Variants in SPINK2 observed in about 807,000 individuals in gnomAD.
SPINK2 encodes serine peptidase inhibitor Kazal type 2, also known as serine protease inhibitor Kazal-type 2.
SPINK2 carries 8 observed loss-of-function variants against 13.5 expected under a neutral mutation model. That is an observed-to-expected ratio of 0.59 (90% CI 0.35 to 1.07). SPINK2 has a LOEUF of 1.07. SPINK2 is among the 50% of genes least tolerant of loss of function. The probability of loss-of-function intolerance (pLI) is 0.02; values close to 1 mark genes in which losing one functional copy is unlikely to be tolerated. For synonymous variants in SPINK2, 76 were observed against 74.7 expected, an observed-to-expected ratio of 1.02 and a Z score of -0.09; for missense variants, 148 against 180.3, an observed-to-expected ratio of 0.82 and a Z score of 1.03.
chr4:56,810,273 G>T, intron 3 of SPINK2, 89 bp from the exon 4 acceptor site: 1 of 1,055,082 alleles, frequency 9.5e-7, no homozygotes, highest in Non-Finnish European at 1.4e-6. Context: ...CATGTAGATA[G>T]ATATATATTA....
chr4:56,821,378 A>AG, intron 1 of SPINK2, 80 bp downstream of exon 1: 1 of 1,420,854 alleles, frequency 7.0e-7, no homozygotes, highest in Non-Finnish European at 9.2e-7. Flanking sequence ...TAGAGCTGGG[A>AG]GCGAAGCCCA....
chr4:56,819,842 C>T (rs1313405777), intron 2 of SPINK2, among the ~76,000 whole-genome samples: 1 of 152,084 alleles, frequency 6.6e-6, no homozygotes, highest in African/African-American at 2.4e-5. Flanking sequence ...GTCTTGATTT[C>T]CTGACCTCGT....
intron 2 of SPINK2, among the ~76,000 whole-genome samples, chr4:56,819,614 CTTTCT>C (rs1717759125): frequency 1.0e-5 from 1 of 96,058 alleles, no homozygotes; most frequent in African/African-American, 4.5e-5. Context: ...ACTTTTTTTT[CTTTCT>C]TTTTTTTTTT....
rs1717927639 is a variant in SPINK2, at chr4:56,821,460, G to C, written c.203C>G (p.Pro68Arg). The change falls in exon 1 of 4, where the codon CCA becomes CGA. Residue 68 changes from proline to arginine, a missense_variant and splice_region_variant. Coordinates refer to ENST00000506738, the MANE Select transcript of SPINK2 (RefSeq NM_001271718.2). The part of the protein sequence containing the change: ...PVTGGSPEDL[P>R]ASLIPQFGLF... ...ACCCCCAGTTCGCGTTCCTCCACCT[G>C]GCAGGTCCTCTGGGGAACCGCCAGT... 6.6e-7 allele frequency: 1 copy of C among 1,521,180 alleles called. No individual in the cohort carries two copies. Among genetic ancestry groups the C allele is most frequent in the Non-Finnish European group, 8.8e-7 (1 of 1,139,718 alleles). The allele number at this position is 1,521,180 out of a possible 1,614,324, so 94.2% of individuals were successfully genotyped here.
intron 2 of SPINK2, among the ~76,000 whole-genome samples, chr4:56,819,374 G>A (rs1717734146): frequency 6.6e-6 from 1 of 152,174 alleles, no homozygotes; most frequent in Admixed American, 6.5e-5. Flanking sequence ...ACATCATTGT[G>A]AGAATTGAGA....
chr4:56,816,519 G>A (rs1228039104), intron 2 of SPINK2, among the ~76,000 whole-genome samples: 2 of 152,006 alleles, frequency 1.3e-5, no homozygotes, highest in Non-Finnish European at 2.9e-5. Context: ...GGGCGTGGTG[G>A]TGGGTGCCTG....
At position 56,810,094 on chromosome 4, in the gene SPINK2, C is replaced by T. The variant is rs184591586; in HGVS notation, c.*45G>A. 7.6e-6 allele frequency: 12 copies of T among 1,573,856 alleles called. No individual in the cohort carries two copies. In the East Asian group the frequency reaches 2.5e-4, roughly 33 times the overall value. ...GGGGAAATGCAATTTATCTAGTCTG[C>T]CAGTGAAGGTGGTCTCTCCATCTTC... is the stretch of plus-strand genomic sequence containing the variant. On this transcript the variant is annotated 3_prime_UTR_variant, in exon 4 of 4. Coordinates refer to ENST00000506738, the MANE Select transcript of SPINK2 (RefSeq NM_001271718.2).
intron 2 of SPINK2, among the ~76,000 whole-genome samples, chr4:56,817,185 G>C (rs940120387): frequency 6.6e-6 from 1 of 152,194 alleles, no homozygotes; most frequent in Non-Finnish European, 1.5e-5. Flanking sequence ...CTGAGCGATA[G>C]AGCGAGACTC....
chr4:56,811,127 G>T (rs1268912011), intron 3 of SPINK2, among the ~76,000 whole-genome samples: 1 of 152,130 alleles, frequency 6.6e-6, no homozygotes, highest in Admixed American at 6.6e-5. Flanking sequence ...TTTCACATTT[G>T]TGGGCAATAA....
At chr4:56,816,951 C>T (rs1717505864) in intron 2 of SPINK2, among the ~76,000 whole-genome samples, 2 of 151,812 alleles carry the variant, frequency 1.3e-5, no homozygotes, top group South Asian at 4.2e-4. Flanking sequence ...ACGCCTATAA[C>T]CCAGCACTTG....
Position 56,810,039 on chromosome 4 carries a change from C to T in SPINK2, c.*100G>A. The T allele has an allele frequency of 1.3e-6, 2 of 1,536,764 alleles. No individual in the cohort carries two copies. Among genetic ancestry groups the T allele is most frequent in the East Asian group, 2.5e-5 (1 of 40,596 alleles). ...TCAGAAAATGTGTGTTAACAAATCT[C>T]ATGTAAAGAAACACAGGAAAAGAGA... On this transcript the variant is annotated 3_prime_UTR_variant, in exon 4 of 4. Coordinates refer to ENST00000506738, the MANE Select transcript of SPINK2 (RefSeq NM_001271718.2).
chr4:56,818,099 T>C (rs1486947836), intron 2 of SPINK2: 1 of 152,150 alleles, frequency 6.6e-6, no homozygotes, highest in Non-Finnish European at 1.5e-5. Context: ...GGAAAACCCA[T>C]TGAAAAGCCA....
At chr4:56,818,634 C>A (rs905640597) in intron 2 of SPINK2, among the ~76,000 whole-genome samples, 2 of 152,070 alleles carry the variant, frequency 1.3e-5, no homozygotes. Context: ...TGCACTCCAG[C>A]CTGGATGACA....
rs1717038130 is a variant in SPINK2, at chr4:56,812,137, AC to A, written c.250-344del. On this transcript the variant is annotated intron_variant, in intron 2 of 3. Transcript: ENST00000506738. ...TCTCGAACTTCTGACGTCATGATCC[AC>A]CCGCCTTGGCCTCCCAAAGTGCTAG... Among the ~76,000 whole-genome samples the A allele has an allele frequency of 2.7e-5, 4 of 150,102 alleles. No homozygotes were observed. The South Asian group carries it at 8.4e-4, about 32-fold the overall frequency.
At chr4:56,816,100 C>T (rs1490766724) in intron 2 of SPINK2, among the ~76,000 whole-genome samples, 2 of 151,734 alleles carry the variant, frequency 1.3e-5, no homozygotes, top group African/African-American at 4.8e-5. Flanking sequence ...AAGACTCAGT[C>T]TTGGAAAAAA....
At chr4:56,815,799 A>C (rs1043310024) in intron 2 of SPINK2, among the ~76,000 whole-genome samples, 5 of 96,564 alleles carry the variant, frequency 5.2e-5, no homozygotes, top group African/African-American at 7.7e-5. Context: ...CACACACACA[A>C]AACTATTATT....
intron 2 of SPINK2, among the ~76,000 whole-genome samples, chr4:56,817,124 C>T (rs894425670): frequency 2.0e-5 from 3 of 152,030 alleles, no homozygotes; most frequent in African/African-American, 4.8e-5. Context: ...ATTGCTTGAA[C>T]CCAGGAGGCA....
chr4:56,821,845 T>G (rs1578443091), upstream of SPINK2: 8 of 537,934 alleles, frequency 1.5e-5, no homozygotes, highest in African/African-American at 9.4e-5. Flanking sequence ...AGAGGAGCCG[T>G]GAAGGGTCGG....
intron 2 of SPINK2, among the ~76,000 whole-genome samples, chr4:56,819,264 C>T (rs1479284607): frequency 3.3e-5 from 5 of 152,018 alleles, no homozygotes; most frequent in Non-Finnish European, 5.9e-5. Flanking sequence ...AAGGGAATCG[C>T]GTGGGAAGGC....
Sources: allele counts gnomAD v4.1 joint callset (sites outside exome capture counted in the v4.1 genomes callset), GRCh38; gene constraint gnomAD v4.1.1; transcripts MANE v1.5; gene names NCBI Gene and HGNC (gene_info 2026-07-23, HGNC 2026-07-21).